Variants in TMEM163 observed in about 807,000 individuals in gnomAD.
TMEM163 encodes transmembrane protein 163.
TMEM163 carries 17 observed loss-of-function variants against 29.3 expected under a neutral mutation model. That is an observed-to-expected ratio of 0.58 (90% CI 0.40 to 0.87). The LOEUF (loss-of-function observed/expected upper bound fraction) is 0.87. TMEM163 is among the 40% of genes least tolerant of loss of function. The pLI, the probability that TMEM163 is intolerant of heterozygous loss-of-function variation, is 0.00. For synonymous variants in TMEM163, 157 were observed against 160.6 expected (o/e 0.98, Z 0.17); for missense variants, 303 against 381.5 (o/e 0.79, Z 1.71).
intron 2 of TMEM163, among the ~76,000 whole-genome samples, chr2:134,677,742 A>G (rs1398106644): frequency 6.6e-6 from 1 of 152,198 alleles, no homozygotes; most frequent in Non-Finnish European, 1.5e-5. Context: ...CATTTTTTCC[A>G]AAATGATGTG....
At chr2:134,492,041 A>G (rs575625958) in intron 5 of TMEM163, among the ~76,000 whole-genome samples, 3 of 152,334 alleles carry the variant, frequency 2.0e-5, no homozygotes, top group African/African-American at 2.4e-5. Flanking sequence ...TGGCAACTGC[A>G]TGAGATCGGC....
Position 134,555,586 on chromosome 2 carries a change from C to T in TMEM163, c.323-3495G>A, listed in dbSNP as rs188401096. Reference sequence around the variant, plus strand: ...GACGGGCGACCAGGCAGCCGTGGGGCGGAGCTCTCCTATGAAGGCTGCTCT... The same window carrying T: ...GACGGGCGACCAGGCAGCCGTGGGGTGGAGCTCTCCTATGAAGGCTGCTCT... On this transcript the variant is annotated intron_variant, in intron 2 of 7. Coordinates refer to ENST00000281924, the MANE Select transcript of TMEM163 (RefSeq NM_030923.5). Among the ~76,000 whole-genome samples the T allele has an allele frequency of 1.4e-4, 22 of 152,314 alleles. No homozygotes were observed. The East Asian group carries it at 1.9e-3, about 13-fold the overall frequency.
intron 4 of TMEM163, among the ~76,000 whole-genome samples, chr2:134,503,613 G>A (rs776017520): frequency 6.6e-6 from 1 of 152,214 alleles, no homozygotes. Flanking sequence ...TGATGAAAAG[G>A]AGAAATGATT....
At chr2:134,665,791 T>A (rs1161676806) in intron 2 of TMEM163, among the ~76,000 whole-genome samples, 2 of 152,304 alleles carry the variant, frequency 1.3e-5, no homozygotes, top group African/African-American at 4.8e-5. Context: ...AGCATCTGCA[T>A]CTGAAATTCA....
Position 134,572,870 on chromosome 2 carries a change from GT to G in TMEM163, c.323-20780del, listed in dbSNP as rs529758682. Among the ~76,000 whole-genome samples the G allele has an allele frequency of 2.6e-4, 39 of 152,350 alleles. No individual in the cohort carries two copies. The South Asian group carries it at 8.1e-3, about 32-fold the overall frequency. On this transcript the variant is annotated intron_variant, in intron 2 of 7. Coordinates refer to ENST00000281924, the MANE Select transcript of TMEM163 (RefSeq NM_030923.5). ...TTAGAGAATAAAAATGATTGCTGCA[GT>G]GGCAACGATCTCAAATGACATTTAG...
chr2:134,533,308 A>T (rs889994865), intron 4 of TMEM163, among the ~76,000 whole-genome samples: 2 of 152,354 alleles, frequency 1.3e-5, no homozygotes, highest in African/African-American at 4.8e-5. Context: ...GATCCAGAAC[A>T]ATATGAACAG....
chr2:134,702,883 A>G (rs1398711332), intron 2 of TMEM163, among the ~76,000 whole-genome samples: 1 of 152,204 alleles, frequency 6.6e-6, no homozygotes, highest in Non-Finnish European at 1.5e-5. Flanking sequence ...AGCCCCCACC[A>G]CAGCAGGTCC....
At chr2:134,526,199 G>C (rs891197002) in intron 4 of TMEM163, among the ~76,000 whole-genome samples, 1 of 152,166 alleles carries the variant, frequency 6.6e-6, no homozygotes, top group Non-Finnish European at 1.5e-5. Context: ...CTTGCTCTTG[G>C]GAAATCGATG....
At chr2:134,589,976 G>C (rs1419085401) in intron 2 of TMEM163, among the ~76,000 whole-genome samples, 1 of 152,132 alleles carries the variant, frequency 6.6e-6, no homozygotes, top group Non-Finnish European at 1.5e-5. Context: ...GGGTGAGACA[G>C]GGAATCAACA....
chr2:134,706,536 G>C (rs974496460), intron 2 of TMEM163, among the ~76,000 whole-genome samples: 1 of 152,188 alleles, frequency 6.6e-6, no homozygotes, highest in African/African-American at 2.4e-5. Flanking sequence ...GTGGGGCTAT[G>C]GGGGAAGGGA....
intron 2 of TMEM163, among the ~76,000 whole-genome samples, chr2:134,560,422 G>A (rs1681141681): frequency 6.6e-6 from 1 of 152,130 alleles, no homozygotes; most frequent in South Asian, 2.1e-4. Context: ...CTTAGCTCCA[G>A]CATGCAGCAA....
chr2:134,649,431 C>G (rs562655180), intron 2 of TMEM163, among the ~76,000 whole-genome samples: 14 of 152,222 alleles, frequency 9.2e-5, no homozygotes, highest in African/African-American at 3.4e-4. Context: ...CTTTTGCAAA[C>G]AATAGTGCAA....
chr2:134,541,986 G>C (rs892301900), intron 4 of TMEM163, among the ~76,000 whole-genome samples: 1 of 152,218 alleles, frequency 6.6e-6, no homozygotes, highest in Non-Finnish European at 1.5e-5. Context: ...GGGTGGGAAT[G>C]AAATTGAGGC....
chr2:134,626,097 T>G (rs1351307228), intron 2 of TMEM163, among the ~76,000 whole-genome samples: 4 of 101,434 alleles, frequency 3.9e-5, no homozygotes, highest in Non-Finnish European at 7.6e-5. Flanking sequence ...TTTCCAGCTT[T>G]TTTTTTTTTT....
intron 2 of TMEM163, among the ~76,000 whole-genome samples, chr2:134,577,906 T>C (rs1681600496): frequency 6.6e-6 from 1 of 152,120 alleles, no homozygotes; most frequent in African/African-American, 2.4e-5. Flanking sequence ...TGTAAGTACA[T>C]CTAGAGGTGA....
At chr2:134,501,229 C>A (rs1679691482) in intron 5 of TMEM163, among the ~76,000 whole-genome samples, 1 of 152,228 alleles carries the variant, frequency 6.6e-6, no homozygotes, top group African/African-American at 2.4e-5. Context: ...ACCATGGAAT[C>A]TTCAGCTTCT....
chr2:134,697,102 T>C (rs1684599284), intron 2 of TMEM163, among the ~76,000 whole-genome samples: 1 of 152,134 alleles, frequency 6.6e-6, no homozygotes, highest in African/African-American at 2.4e-5. Context: ...TGTAGAGCTA[T>C]GGAAAGCTCT....
In TMEM163 at chr2:134,502,967, A is replaced by C; in HGVS notation, c.489T>G (p.Leu163=). ...IACVILGVIF[L]LSSICIVVKA... is the part of the protein sequence containing the mutation. ...TGACCACTATACATATGGATGACAGAAGGAATATCACCCCCAAGATGACAC... is the reference window on the plus strand; with the variant it reads ...TGACCACTATACATATGGATGACAGCAGGAATATCACCCCCAAGATGACAC... The change falls in exon 5 of 8, where the codon CTT becomes CTG. Residue 163 remains leucine (L), a synonymous_variant. Coordinates refer to ENST00000281924, the MANE Select transcript of TMEM163 (RefSeq NM_030923.5). 2 of 1,613,970 alleles carry C rather than the reference A, an allele frequency of 1.2e-6. No individual in the cohort carries two copies. Among genetic ancestry groups the C allele is most frequent in the South Asian group, 2.2e-5 (2 of 90,994 alleles).
chr2:134,552,730 C>T (rs1393741845), intron 2 of TMEM163, among the ~76,000 whole-genome samples: 6 of 142,636 alleles, frequency 4.2e-5, no homozygotes, highest in African/African-American at 8.0e-5. Flanking sequence ...GGTGCTGTCT[C>T]GGCTCACTGC....
Sources: gnomAD v4.1 joint callset for allele counts (sites outside exome capture counted in the v4.1 genomes callset) on GRCh38, gnomAD v4.1.1 for gene constraint, MANE v1.5 for transcripts, NCBI Gene and HGNC (gene_info 2026-07-23, HGNC 2026-07-21) for gene names.